Variants in COIL observed in about 807,000 individuals in gnomAD.
COIL encodes coilin, also known as coilin p80.
A neutral mutation model predicts 51.6 loss-of-function variants in COIL; 28 were observed. The observed-to-expected ratio is 0.54, with a 90% CI of 0.40 to 0.74. The LOEUF (loss-of-function observed/expected upper bound fraction) is 0.74, where lower values mean the gene tolerates loss of function less well. Among genes scored for constraint, COIL ranks in the 30% least tolerant of loss-of-function variants. COIL has a pLI of 0.00. For missense variants in COIL, 667 were observed against 685.9 expected (o/e 0.97, Z 0.31); for synonymous variants, 233 against 255.8 (o/e 0.91, Z 0.85).
At chr17:56,951,567 A>G (rs4794675) in intron 1 of COIL, 130,425 of 152,468 alleles carry the variant, frequency 0.86, 55,992 homozygotes, top group East Asian at 1. Flanking sequence ...ACAATTCCAC[A>G]ACACTCTGTG....
At chr17:56,939,885 G>A (rs1184129659) in intron 6 of COIL, 1 of 152,082 alleles carries the variant, frequency 6.6e-6, no homozygotes, top group East Asian at 1.9e-4. Context: ...CCCTGCATTT[G>A]ATTTGCCCTG....
Position 56,950,936 on chromosome 17 carries a change from A to C in COIL, c.306T>G (p.Ile102Met). Residue 102 changes from isoleucine to methionine, a missense_variant, in exon 2 of 7, where the codon ATT becomes ATG. By Grantham distance (10) the Ile-to-Met change is conservative. Coordinates refer to ENST00000240316, the MANE Select transcript of COIL (RefSeq NM_004645.3). ...TCTTTGCTTTTCTAAGAGATAAATT[A>C]ATGTCACCATTACTGATGACTACAG... Reference protein sequence around the residue: ...ENSVVISNGDINLSLRKAKKR... With the variant: ...ENSVVISNGDMNLSLRKAKKR... 6.2e-7 allele frequency: 1 copy of C among 1,613,104 alleles called. No homozygotes were observed. Among genetic ancestry groups the C allele is most frequent in the Non-Finnish European group, 8.5e-7 (1 of 1,179,910 alleles).
rs1297815677 is a variant in COIL at position 56,950,159 on chromosome 17, A to G, written c.1083T>C (p.Thr361=). 6.2e-7 allele frequency: 1 copy of G among 1,614,202 alleles called. No individual in the cohort carries two copies. The highest frequency in any genetic ancestry group is 8.5e-7 in the Non-Finnish European group (1 of 1,180,042). ...AACGCCTCCATCCAGCAGCACCTGC[A>G]GTCTGTGATGACAGCCCTGGGCCTG... ...GRPGPGLSSQ[T]AGAAGWRRSG... Residue 361 remains threonine (T), a synonymous_variant, in exon 2 of 7, where the codon ACT becomes ACC. Transcript: ENST00000240316.
intron 3 of COIL, 29 bp downstream of exon 3, chr17:56,949,652 T>G: frequency 6.3e-7 from 1 of 1,591,854 alleles, no homozygotes; most frequent in East Asian, 2.2e-5. Context: ...ATGAACCTTT[T>G]TTGCTGTGAC....
At chr17:56,953,390 A>G (rs373167053) in intron 1 of COIL, among the ~76,000 whole-genome samples, 78 of 148,270 alleles carry the variant, frequency 5.3e-4, no homozygotes, top group Admixed American at 1.3e-3. Flanking sequence ...CAGCCTGGGC[A>G]ACAGAGCAAG....
Position 56,944,389 on chromosome 17 carries a change from G to A in COIL, c.1558+2053C>T, listed in dbSNP as rs562949858. Among the ~76,000 whole-genome samples the A allele has an allele frequency of 5.3e-5, 8 of 151,876 alleles. No individual in the cohort carries two copies. The South Asian group carries it at 6.2e-4, about 12-fold the overall frequency. On this transcript the variant is annotated intron_variant, in intron 5 of 6. Coordinates refer to ENST00000240316, the MANE Select transcript of COIL (RefSeq NM_004645.3). ...GGGAGGATCACGAGGTCAGGAGATC[G>A]AGACCGTCCTGGCTAACACAGTGAA... is the stretch of plus-strand genomic sequence containing the variant.
chr17:56,942,151 G>C lies in COIL; in HGVS notation c.1559-28C>G, dbSNP rs535958153. On this transcript the variant is annotated intron_variant, in intron 5 of 6. Transcript: ENST00000240316. ...GAAACAAGAAGATAGGGAGGAAAGA[G>C]AGTAAGTCATTTTTCAATAGTTAAA... 83 of 1,550,760 alleles carry C rather than the reference G, an allele frequency of 5.4e-5. 1 individual carries two copies. In the South Asian group the frequency reaches 8.8e-4, roughly 16 times the overall value.
At chr17:56,946,538 A>C (rs1289471824) in intron 4 of COIL, 27 bp from the exon 5 acceptor site, 1 of 1,489,192 alleles carries the variant, frequency 6.7e-7, no homozygotes, top group Non-Finnish European at 9.4e-7. Flanking sequence ...TCCAAGTCAA[A>C]ATCAACATGT....
At chr17:56,955,222 G>A (rs1321479659) in intron 1 of COIL, among the ~76,000 whole-genome samples, 2 of 152,080 alleles carry the variant, frequency 1.3e-5, no homozygotes, top group East Asian at 1.9e-4. Context: ...CTGCCACCAC[G>A]CCTGGCTAAC....
In COIL at chr17:56,944,038, GT is replaced by G. The variant is rs1207223293; in HGVS notation, c.1559-1916del. 1.3e-3 allele frequency among the ~76,000 whole-genome samples: 187 copies of G among 141,418 alleles called. 2 individuals carry two copies. The East Asian group carries it at 0.021, about 16-fold the overall frequency. The allele number at this position is 141,418 out of a possible 152,430, so 92.8% of individuals were successfully genotyped here. ...GTACCACCACACTCAGCTATGTTTT[GT>G]TTTTTTTTTTTACGACAGAGTCTCA... is the stretch of plus-strand genomic sequence containing the variant. On this transcript the variant is annotated intron_variant, in intron 5 of 6. Transcript: ENST00000240316.
At chr17:56,942,743 T>G (rs540897028) in intron 5 of COIL, among the ~76,000 whole-genome samples, 21 of 152,212 alleles carry the variant, frequency 1.4e-4, no homozygotes, top group Non-Finnish European at 2.8e-4. Flanking sequence ...CTCAAACTTC[T>G]GGCCTCAAGT....
At chr17:56,948,789 T>C (rs1002205830) in intron 4 of COIL, among the ~76,000 whole-genome samples, 17 of 149,156 alleles carry the variant, frequency 1.1e-4, no homozygotes, top group Admixed American at 4.8e-4. Flanking sequence ...GGTTACCTGA[T>C]AATGCAGAAG....
chr17:56,957,230 GA>G (rs1162971234), intron 1 of COIL, among the ~76,000 whole-genome samples: 5 of 151,956 alleles, frequency 3.3e-5, no homozygotes, highest in African/African-American at 1.2e-4. Context: ...CTGGGCAATG[GA>G]GTGAGACCCT....
chr17:56,955,108 A>G (rs1482979902), intron 1 of COIL, among the ~76,000 whole-genome samples: 1 of 152,200 alleles, frequency 6.6e-6, no homozygotes, highest in Non-Finnish European at 1.5e-5. Flanking sequence ...TCTGTCGCCC[A>G]GGCTGGACTG....
intron 1 of COIL, among the ~76,000 whole-genome samples, chr17:56,953,426 AAAAAAT>A (rs1910419345): frequency 4.0e-5 from 6 of 151,340 alleles, no homozygotes; most frequent in Admixed American, 4.0e-4. Flanking sequence ...AAAAAAAAAA[AAAAAAT>A]ACAAACATTA....
Position 56,949,992 on chromosome 17 carries a change from C to T in COIL, c.1250G>A (p.Arg417Gln), listed in dbSNP as rs747694357. ...AKGRGMRGRG[R>Q]GRGHPVSCVV... ...ACAGGAAACAGGATGCCCTCGTCCT[C>T]GACCTCTCCCCCGCATGCCCCGTCC... Residue 417 changes from arginine to glutamine, a missense_variant, in exon 2 of 7, where the codon CGA (arginine) becomes CAA (glutamine). By Grantham distance (43) the Arg-to-Gln change is conservative (BLOSUM62 1). Coordinates refer to ENST00000240316, the MANE Select transcript of COIL (RefSeq NM_004645.3). 8.1e-6 allele frequency: 13 copies of T among 1,614,044 alleles called. No homozygotes were observed. The highest frequency in any genetic ancestry group is 1.1e-5 in the Non-Finnish European group (13 of 1,180,034).
chr17:56,946,971 A>G (rs1317350864), intron 4 of COIL, among the ~76,000 whole-genome samples: 1 of 152,198 alleles, frequency 6.6e-6, no homozygotes, highest in Non-Finnish European at 1.5e-5. Context: ...AACAGTGATC[A>G]CAACCCCCCA....
chr17:56,953,234 A>T (rs1910410936), intron 1 of COIL, among the ~76,000 whole-genome samples: 1 of 151,822 alleles, frequency 6.6e-6, no homozygotes, highest in South Asian at 2.1e-4. Context: ...ACACAGTGAA[A>T]CCCCGTCTCT....
chr17:56,950,589 G>T lies in COIL; in HGVS notation c.653C>A (p.Ser218Tyr). The change falls in exon 2 of 7, where the codon TCT (serine) becomes TAT (tyrosine). Residue 218 changes from serine (S) to tyrosine (Y), a missense_variant. Coordinates refer to ENST00000240316, the MANE Select transcript of COIL (RefSeq NM_004645.3). ...VKDWANQRCS[S>Y]PKGSARNSLV... ...GCTGTTTCTAGCAGAACCTTTTGGA[G>T]AACTACATCTCTGATTGGCCCAGTC... The T allele has an allele frequency of 6.2e-7, 1 of 1,614,230 alleles. No homozygotes were observed. The highest frequency in any genetic ancestry group is 8.5e-7 in the Non-Finnish European group (1 of 1,180,044).
Sources: allele counts gnomAD v4.1 joint callset (sites outside exome capture counted in the v4.1 genomes callset), GRCh38; gene constraint gnomAD v4.1.1; transcripts MANE v1.5; gene names NCBI Gene and HGNC (gene_info 2026-07-23, HGNC 2026-07-21).